ADAMTSL2: variants seen among roughly 807,000 people sequenced by gnomAD.
ADAMTSL2 encodes the protein ADAMTS-like protein 2.
A neutral mutation model predicts 117.0 loss-of-function variants in ADAMTSL2; 55 were observed. That is an observed-to-expected ratio of 0.47 (90% CI 0.38 to 0.59). ADAMTSL2 has a LOEUF of 0.59. Ranked by LOEUF, ADAMTSL2 falls within the 20% of genes least tolerant of loss-of-function variation. The pLI, the probability that ADAMTSL2 is intolerant of heterozygous loss-of-function variation, is 0.00. For missense variants in ADAMTSL2, 1,182 were observed against 1,354.5 expected, an observed-to-expected ratio of 0.87 and a Z score of 2.00; for synonymous variants, 572 against 566.4, an observed-to-expected ratio of 1.01 and a Z score of -0.14.
intron 11 of ADAMTSL2, 39 bp downstream of exon 11, chr9:133,555,969 G>T (rs1045568588): frequency 1.2e-5 from 20 of 1,602,066 alleles, no homozygotes; most frequent in Non-Finnish European, 1.5e-5. Flanking sequence ...AGGGCCCTCA[G>T]GGGGCAGGAT....
At chr9:133,562,553 G>A (rs1292336414) in intron 12 of ADAMTSL2, among the ~76,000 whole-genome samples, 1 of 105,246 alleles carries the variant, frequency 9.5e-6, no homozygotes, top group South Asian at 2.7e-4. Context: ...TCGCACCGCC[G>A]TGGGCGGCGT....
At chr9:133,539,680 C>CCGGCTGTCCCGGCTGTCA in intron 4 of ADAMTSL2, 91 bp from the exon 5 acceptor site, 3 of 1,335,450 alleles carry the variant, frequency 2.2e-6, no homozygotes, top group Non-Finnish European at 3.1e-6. Context: ...CCCGGCTGTC[C>CCGGCTGTCCCGGCTGTCA]CGGCTGCAGC....
In ADAMTSL2 at chr9:133,561,273, C is replaced by G; in HGVS notation, c.1725C>G (p.Pro575=). 6.2e-7 allele frequency: 1 copy of G among 1,601,052 alleles called. No individual in the cohort carries two copies. The highest frequency in any genetic ancestry group is 8.5e-7 in the Non-Finnish European group (1 of 1,174,192). The change falls in exon 12 of 19, where the codon CCC becomes CCG. Residue 575 remains proline, a synonymous_variant. Coordinates refer to ENST00000651351, the MANE Select transcript of ADAMTSL2 (RefSeq NM_014694.4). ...MYRWKLSSHE[P]CSATCTTGVM... ...GGTGGAAGCTCTCGTCCCACGAGCC[C>G]TGCAGTGCCACCTGCACCACAGGTA...
At chr9:133,566,778 A>G (rs1339461903) in intron 12 of ADAMTSL2, 158 bp from the exon 13 acceptor site, 6 of 956,302 alleles carry the variant, frequency 6.3e-6, no homozygotes, top group Non-Finnish European at 9.7e-6. Flanking sequence ...TCAGACCCAC[A>G]GTGCTGCCCT....
chr9:133,543,288 C>T (rs992301796), intron 7 of ADAMTSL2, among the ~76,000 whole-genome samples: 1 of 152,256 alleles, frequency 6.6e-6, no homozygotes, highest in South Asian at 2.1e-4. Context: ...CCCAATGCCA[C>T]ACCCAGTGAT....
intron 9 of ADAMTSL2, among the ~76,000 whole-genome samples, chr9:133,553,878 C>A (rs1204549196): frequency 6.6e-6 from 1 of 152,192 alleles, no homozygotes; most frequent in Admixed American, 6.5e-5. Context: ...ACTGTTGTCT[C>A]GAATTGAGGC....
chr9:133,550,236 A>G (rs955555629), intron 9 of ADAMTSL2, among the ~76,000 whole-genome samples: 6 of 152,208 alleles, frequency 3.9e-5, no homozygotes, highest in Non-Finnish European at 8.8e-5. Flanking sequence ...GGCCTGGAAA[A>G]ACGGCAGTGA....
At chr9:133,533,989 C>A (rs1021432141), upstream of ADAMTSL2, among the ~76,000 whole-genome samples, 1 of 152,126 alleles carries the variant, frequency 6.6e-6, no homozygotes, top group Non-Finnish European at 1.5e-5. Flanking sequence ...CACCCACTCT[C>A]GCTCCCCTCT....
At chr9:133,570,944 C>T (rs1392139968) in intron 17 of ADAMTSL2, among the ~76,000 whole-genome samples, 1 of 152,200 alleles carries the variant, frequency 6.6e-6, no homozygotes, top group Non-Finnish European at 1.5e-5. Flanking sequence ...CAGTAATAGA[C>T]ATGCACCCCC....
intron 12 of ADAMTSL2, among the ~76,000 whole-genome samples, chr9:133,564,005 GGA>G (rs576800784): frequency 9.6e-4 from 9 of 9,424 alleles, no homozygotes; most frequent in South Asian, 6.1e-3. Context: ...GAGAGAGAAG[GGA>G]GAGAGAGAGA....
At chr9:133,550,985 C>A (rs1162951991) in intron 9 of ADAMTSL2, among the ~76,000 whole-genome samples, 1 of 152,156 alleles carries the variant, frequency 6.6e-6, no homozygotes, top group African/African-American at 2.4e-5. Context: ...TCCTCCAGAC[C>A]TCCTGGTCCC....
chr9:133,561,628 TA>T (rs1349743934), intron 12 of ADAMTSL2, among the ~76,000 whole-genome samples: 1 of 152,144 alleles, frequency 6.6e-6, no homozygotes, highest in Non-Finnish European at 1.5e-5. Flanking sequence ...TAAGAAATCT[TA>T]GGTAGCAGAG....
rs1830369450 is a variant in ADAMTSL2, at chr9:133,547,138, G to A, written c.864G>A (p.Arg288=). 1 of 1,614,148 alleles carries A rather than the reference G, an allele frequency of 6.2e-7. No homozygotes were observed. The highest frequency in any genetic ancestry group is 8.5e-7 in the Non-Finnish European group (1 of 1,180,020). Residue 288 remains arginine, a synonymous_variant, in exon 9 of 19, where the codon CGG becomes CGA. Transcript: ENST00000651351. ...CAGGCACGGTGGTCAAGTACAGGCG[G>A]CCCATGGATGTCTATGAGACCGGAA... ...NIAGTVVKYR[R]PMDVYETGIE...
Position 133,554,743 on chromosome 9 carries a change from G to A in ADAMTSL2, c.1276+50G>A. The A allele has an allele frequency of 7.0e-7, 1 of 1,425,342 alleles. No individual in the cohort carries two copies. Among genetic ancestry groups the A allele is most frequent in the Non-Finnish European group, 9.3e-7 (1 of 1,078,056 alleles). 88.3% of individuals were successfully genotyped at this position (1,425,342 alleles called of 1,614,324 possible). ...GGGTGGGGCCCGGGAGGCAGCCCAGGGAAGGGGGCCTTGGGGAAGGGGTCT... is the reference window on the plus strand; with the variant it reads ...GGGTGGGGCCCGGGAGGCAGCCCAGAGAAGGGGGCCTTGGGGAAGGGGTCT... On this transcript the variant is annotated intron_variant, in intron 10 of 18. Coordinates refer to ENST00000651351, the MANE Select transcript of ADAMTSL2 (RefSeq NM_014694.4). This position sits in a 1 kb window ranked among gnomAD's most constrained non-coding sequence, Gnocchi z 5.2.
chr9:133,540,190 C>T (rs1035329243), intron 5 of ADAMTSL2, among the ~76,000 whole-genome samples: 4 of 152,334 alleles, frequency 2.6e-5, no homozygotes, highest in East Asian at 1.9e-4. Context: ...CGATCCCAAA[C>T]GGAGACTGCC....
intron 9 of ADAMTSL2, among the ~76,000 whole-genome samples, chr9:133,553,875 T>C (rs2131136805): frequency 1.3e-5 from 2 of 152,290 alleles, no homozygotes; most frequent in Admixed American, 6.5e-5. Flanking sequence ...TTCACTGTTG[T>C]CTCGAATTGA....
Position 133,554,681 on chromosome 9 carries a change from A to C in ADAMTSL2, c.1264A>C (p.Lys422Gln). Residue 422 changes from lysine (K) to glutamine (Q), a missense_variant, in exon 10 of 19, where the codon AAG becomes CAG. Lys to Gln is a moderately conservative substitution (Grantham distance 53). Around this residue, in one of 3 missense-constraint regions of ADAMTSL2, gnomAD observed 345 missense variants for 325.8 expected, o/e 1.06. Coordinates refer to ENST00000651351, the MANE Select transcript of ADAMTSL2 (RefSeq NM_014694.4). The surrounding 1 kb of genome is among the most constrained non-coding windows in gnomAD (Gnocchi z 5.2). ...GGCCTGCGAGGGGCCCCCCAGGGGC[A>C]AGGGCTTCCGAGGTAACCAGGAGGA... ...GGACEGPPRGKGFRDRNVTGT... is the reference protein window; with the variant it reads ...GGACEGPPRGQGFRDRNVTGT... The C allele has an allele frequency of 1.3e-6, 2 of 1,503,372 alleles. No individual in the cohort carries two copies. The highest frequency in any genetic ancestry group is 1.8e-6 in the Non-Finnish European group (2 of 1,123,332). The allele number at this position is 1,503,372 out of a possible 1,614,324, so 93.1% of individuals were successfully genotyped here.
At chr9:133,544,313 T>G (rs1830297036) in intron 7 of ADAMTSL2, among the ~76,000 whole-genome samples, 157 bp from the exon 8 acceptor site, 1 of 152,062 alleles carries the variant, frequency 6.6e-6, no homozygotes. Flanking sequence ...GCCTCTGCAA[T>G]GGGACGGGGC....
At chr9:133,560,604 C>T (rs1226307116) in intron 11 of ADAMTSL2, among the ~76,000 whole-genome samples, 2 of 152,246 alleles carry the variant, frequency 1.3e-5, no homozygotes, top group African/African-American at 4.8e-5. Flanking sequence ...GCGTGCCTCC[C>T]CCGACCCCAG....
Sources: allele counts gnomAD v4.1 joint callset (sites outside exome capture counted in the v4.1 genomes callset), GRCh38; gene constraint gnomAD v4.1.1; regional missense constraint gnomAD v4.1.1; non-coding constraint Gnocchi (gnomAD v3.1); transcripts MANE v1.5; gene names NCBI Gene and HGNC (gene_info 2026-07-23, HGNC 2026-07-21).